Variants in COBLL1 observed in about 807,000 individuals in gnomAD.
The protein encoded by COBLL1 is cordon-bleu WH2 repeat protein like 1, also known as cordon-bleu protein-like 1.
A neutral mutation model predicts 94.8 loss-of-function variants in COBLL1; 50 were observed. The observed-to-expected ratio is 0.53, with a 90% CI of 0.42 to 0.67. COBLL1 has a LOEUF of 0.67. Among genes scored for constraint, COBLL1 ranks in the 30% least tolerant of loss-of-function variants. The pLI is 0.00. For missense variants in COBLL1, 1,362 were observed against 1,348.7 expected (o/e 1.01, Z -0.15); for synonymous variants, 448 against 473.8 (o/e 0.95, Z 0.71).
At chr2:164,772,312 G>C (rs1688248084) in intron 2 of COBLL1, among the ~76,000 whole-genome samples, 2 of 151,828 alleles carry the variant, frequency 1.3e-5, no homozygotes, top group African/African-American at 4.8e-5. Context: ...TAAATCTCAT[G>C]TATTTATTTT....
intron 2 of COBLL1, among the ~76,000 whole-genome samples, chr2:164,811,203 C>T (rs537432941): frequency 6.6e-6 from 1 of 151,794 alleles, no homozygotes; most frequent in Non-Finnish European, 1.5e-5. Context: ...CATGATTTTA[C>T]AGGATATGAT....
chr2:164,731,308 A>T (rs1357000283), intron 3 of COBLL1, among the ~76,000 whole-genome samples: 1 of 152,236 alleles, frequency 6.6e-6, no homozygotes, highest in Non-Finnish European at 1.5e-5. Flanking sequence ...ATAATGAATG[A>T]ATGTTTAATA....
chr2:164,671,332 C>G (rs1165182262), intron 1 of COBLL1, among the ~76,000 whole-genome samples: 3 of 151,944 alleles, frequency 2.0e-5, no homozygotes, highest in Non-Finnish European at 4.4e-5. Flanking sequence ...ATGTAAGAAC[C>G]TATTCTTTGA....
chr2:164,718,141 T>C (rs1465862665), intron 7 of COBLL1: 3 of 458,226 alleles, frequency 6.5e-6, no homozygotes, highest in East Asian at 1.5e-4. Flanking sequence ...TCTCATTGTA[T>C]ATACTATACC....
intron 2 of COBLL1, among the ~76,000 whole-genome samples, chr2:164,834,566 T>C (rs1683234133): frequency 6.6e-6 from 1 of 152,270 alleles, no homozygotes; most frequent in Non-Finnish European, 1.5e-5. Flanking sequence ...AATTTTTAAT[T>C]AAACAATTAC....
chr2:164,778,297 C>G (rs1449876443), intron 2 of COBLL1, among the ~76,000 whole-genome samples: 1 of 152,150 alleles, frequency 6.6e-6, no homozygotes, highest in Non-Finnish European at 1.5e-5. Context: ...GAAAAGAAGT[C>G]TTAATGCTCC....
At chr2:164,762,923 C>T (rs1456777095) in intron 2 of COBLL1, among the ~76,000 whole-genome samples, 2 of 152,094 alleles carry the variant, frequency 1.3e-5, no homozygotes, top group Non-Finnish European at 2.9e-5. Context: ...GTCTCTATCT[C>T]TTGACCTTGT....
At position 164,781,397 on chromosome 2, in the gene COBLL1, T is replaced by C. The variant is rs187417560; in HGVS notation, c.42-37522A>G. 3.7e-3 allele frequency among the ~76,000 whole-genome samples: 562 copies of C among 152,266 alleles called. 7 individuals are homozygous for C. The highest frequency in any genetic ancestry group is 0.012 in the African/African-American group (515 of 41,566). On this transcript the variant is annotated intron_variant, in intron 2 of 13. Transcript: ENST00000652658. ...TTGCTACTAACAAGTTGGAGAAGCA[T>C]TGGGCCAATATTTAATTTTTAGATA...
At chr2:164,824,139 TGG>T (rs1014864553) in intron 2 of COBLL1, among the ~76,000 whole-genome samples, 1 of 152,226 alleles carries the variant, frequency 6.6e-6, no homozygotes, top group Non-Finnish European at 1.5e-5. Flanking sequence ...CCCAGCACTT[TGG>T]GAGGCCAAGG....
At chr2:164,768,687 G>T (rs940094855) in intron 2 of COBLL1, among the ~76,000 whole-genome samples, 1 of 151,912 alleles carries the variant, frequency 6.6e-6, no homozygotes, top group Non-Finnish European at 1.5e-5. Flanking sequence ...TTGATAAAAA[G>T]AAATTTTAAA....
At chr2:164,690,851 A>C (rs1278263980) in intron 13 of COBLL1, among the ~76,000 whole-genome samples, 1 of 152,160 alleles carries the variant, frequency 6.6e-6, no homozygotes. Flanking sequence ...GCTTGGTTTG[A>C]AACTCATCCT....
At chr2:164,780,798 G>C (rs1688691146) in intron 2 of COBLL1, among the ~76,000 whole-genome samples, 1 of 152,156 alleles carries the variant, frequency 6.6e-6, no homozygotes, top group Admixed American at 6.6e-5. Flanking sequence ...CACAAGGCAG[G>C]GTAGGCGACA....
intron 7 of COBLL1, among the ~76,000 whole-genome samples, chr2:164,718,911 C>T (rs1685309101): frequency 6.6e-6 from 1 of 151,152 alleles, no homozygotes; most frequent in African/African-American, 2.4e-5. Context: ...GTATCCTATC[C>T]TATCAATGAG....
intron 1 of COBLL1, among the ~76,000 whole-genome samples, chr2:164,670,083 T>A (rs755831407): frequency 1.7e-3 from 253 of 152,330 alleles, no homozygotes; most frequent in South Asian, 3.7e-3. Context: ...GATTGAAAGC[T>A]TATTCTGTAC....
At chr2:164,824,180 G>C in intron 2 of COBLL1, among the ~76,000 whole-genome samples, 1 of 152,046 alleles carries the variant, frequency 6.6e-6, no homozygotes, top group Admixed American at 6.6e-5. Context: ...TCAGAAGTTC[G>C]AGACCAGCCT....
chr2:164,739,071 A>C (rs1191334005), intron 3 of COBLL1, among the ~76,000 whole-genome samples: 1 of 152,116 alleles, frequency 6.6e-6, no homozygotes. Context: ...AAGAGTTTTC[A>C]GGTTAGCATG....
At chr2:164,751,556 C>T (rs1687126907) in intron 2 of COBLL1, among the ~76,000 whole-genome samples, 1 of 152,084 alleles carries the variant, frequency 6.6e-6, no homozygotes, top group Non-Finnish European at 1.5e-5. Flanking sequence ...TTTAAAGGTG[C>T]TTTTGGTCTA....
At chr2:164,660,329 A>C (rs1183278904) in intron 2 of COBLL1, among the ~76,000 whole-genome samples, 1 of 152,116 alleles carries the variant, frequency 6.6e-6, no homozygotes, top group Non-Finnish European at 1.5e-5. Context: ...CACTGTTGTT[A>C]ATGTGTTATT....
chr2:164,686,312 T>G (rs1683283740), intron 13 of COBLL1, among the ~76,000 whole-genome samples: 1 of 151,726 alleles, frequency 6.6e-6, no homozygotes, highest in Non-Finnish European at 1.5e-5. Flanking sequence ...ACAAACAGAC[T>G]GCAAACCAAG....
Sources: gnomAD v4.1 joint callset for allele counts (sites outside exome capture counted in the v4.1 genomes callset) on GRCh38, gnomAD v4.1.1 for gene constraint, MANE v1.5 for transcripts, NCBI Gene and HGNC (gene_info 2026-07-23, HGNC 2026-07-21) for gene names.